PITPNC1: variants seen among roughly 807,000 people sequenced by gnomAD.
PITPNC1 encodes the protein phosphatidylinositol transfer protein cytoplasmic 1.
Under a neutral mutation model 44.7 loss-of-function variants are expected in PITPNC1, and 18 were observed. That is an observed-to-expected ratio of 0.40 (90% CI 0.28 to 0.60). The LOEUF (loss-of-function observed/expected upper bound fraction) is 0.60. Ranked by LOEUF, PITPNC1 falls within the 20% of genes least tolerant of loss-of-function variation. The pLI is 0.39. For missense variants in PITPNC1, 290 were observed against 418.4 expected (o/e 0.69, Z 2.68); for synonymous variants, 141 against 149.6 (o/e 0.94, Z 0.42).
intron 5 of PITPNC1, among the ~76,000 whole-genome samples, chr17:67,588,531 A>G (rs958566288): frequency 6.6e-6 from 1 of 151,670 alleles, no homozygotes; most frequent in African/African-American, 2.4e-5. Context: ...TTGTCCGTCA[A>G]CTCTGCTCTG....
intron 1 of PITPNC1, among the ~76,000 whole-genome samples, chr17:67,490,016 C>A (rs1443240776): frequency 6.6e-6 from 1 of 152,020 alleles, no homozygotes; most frequent in African/African-American, 2.4e-5. Flanking sequence ...GGATTGCAGG[C>A]GTGAGCCACC....
At chr17:67,651,404 T>C (rs1004032931) in intron 6 of PITPNC1, among the ~76,000 whole-genome samples, 1 of 152,030 alleles carries the variant, frequency 6.6e-6, no homozygotes, top group African/African-American at 2.4e-5. Context: ...TCCCAGCTAC[T>C]TGGGAGGCTG....
chr17:67,420,057 T>G (rs1210828615), intron 1 of PITPNC1, among the ~76,000 whole-genome samples: 1 of 152,204 alleles, frequency 6.6e-6, no homozygotes, highest in Non-Finnish European at 1.5e-5. Flanking sequence ...GGACCTGACA[T>G]GAGTCCGTCT....
chr17:67,497,630 C>T (rs182535660), intron 1 of PITPNC1, among the ~76,000 whole-genome samples: 2 of 142,190 alleles, frequency 1.4e-5, no homozygotes, highest in East Asian at 2.2e-4. Context: ...TAGGCTCAAG[C>T]GAACCTCCCA....
chr17:67,570,100 T>G (rs1422772466), intron 4 of PITPNC1, among the ~76,000 whole-genome samples: 1 of 152,192 alleles, frequency 6.6e-6, no homozygotes, highest in African/African-American at 2.4e-5. Context: ...TTCTGTTTTA[T>G]GCTTCTGTTT....
At chr17:67,495,347 C>T (rs775961600) in intron 1 of PITPNC1, among the ~76,000 whole-genome samples, 5 of 151,962 alleles carry the variant, frequency 3.3e-5, no homozygotes, top group African/African-American at 4.8e-5. Context: ...CATGAGCCAC[C>T]GCGCCCGGCC....
At chr17:67,427,504 A>T (rs189191781) in intron 1 of PITPNC1, among the ~76,000 whole-genome samples, 8 of 152,134 alleles carry the variant, frequency 5.3e-5, no homozygotes, top group Admixed American at 3.9e-4. Context: ...GAGCCACTGC[A>T]CCCAGCCATG....
At chr17:67,470,045 C>G (rs148018282) in intron 1 of PITPNC1, among the ~76,000 whole-genome samples, 1,865 of 152,184 alleles carry the variant, frequency 0.012, 35 homozygotes, top group African/African-American at 0.043. Flanking sequence ...GCCTCAGCCT[C>G]CCAAGTAGCC....
chr17:67,483,646 C>T (rs2039733489), intron 1 of PITPNC1, among the ~76,000 whole-genome samples: 1 of 152,064 alleles, frequency 6.6e-6, no homozygotes, highest in Non-Finnish European at 1.5e-5. Flanking sequence ...ACTGTAAATC[C>T]ATCTGCCCAT....
At chr17:67,437,415 TG>T (rs972359937) in intron 1 of PITPNC1, among the ~76,000 whole-genome samples, 38 of 152,106 alleles carry the variant, frequency 2.5e-4, no homozygotes, top group Admixed American at 1.1e-3. Flanking sequence ...AGGGAACGCC[TG>T]GGGCCACCAG....
intron 1 of PITPNC1, among the ~76,000 whole-genome samples, chr17:67,410,850 C>G (rs908176692): frequency 6.6e-6 from 1 of 151,616 alleles, no homozygotes; most frequent in Admixed American, 6.6e-5. Context: ...TTTGGGAGGC[C>G]GAGGCGGGTG....
chr17:67,437,479 C>T (rs534608909), intron 1 of PITPNC1, among the ~76,000 whole-genome samples: 1 of 152,260 alleles, frequency 6.6e-6, no homozygotes, highest in Non-Finnish European at 1.5e-5. Flanking sequence ...CTGCTGATAC[C>T]TTGATTTTGG....
At chr17:67,460,549 G>A (rs1471275228) in intron 1 of PITPNC1, among the ~76,000 whole-genome samples, 1 of 149,326 alleles carries the variant, frequency 6.7e-6, no homozygotes, top group Non-Finnish European at 1.5e-5. Flanking sequence ...TCAGCCTCCC[G>A]AGTAGCTGGG....
intron 8 of PITPNC1, among the ~76,000 whole-genome samples, chr17:67,682,706 T>G (rs1483449): frequency 0.71 from 108,288 of 152,120 alleles, 39,142 homozygotes; most frequent in Non-Finnish European, 0.77. Flanking sequence ...AGTTGCAATA[T>G]TCTCTTAAAT....
chr17:67,419,589 A>C (rs185000454), intron 1 of PITPNC1, among the ~76,000 whole-genome samples: 35 of 152,304 alleles, frequency 2.3e-4, no homozygotes, highest in Non-Finnish European at 3.5e-4. Flanking sequence ...TGAATTACAG[A>C]ATAGACCAAC....
rs2041472729 is a variant in PITPNC1, at chr17:67,597,323, G to A, written c.366+19066G>A. On this transcript the variant is annotated intron_variant, in intron 5 of 8. Transcript: ENST00000581322. The surrounding 1 kb of genome is among the most constrained non-coding windows in gnomAD (Gnocchi z 4.0). Reference sequence around the variant, plus strand: ...AATCCCCGCACTTTGGGAGGCCAAAGTGGGTATCTTACTTGAAGTCAGGAA... The same window carrying A: ...AATCCCCGCACTTTGGGAGGCCAAAATGGGTATCTTACTTGAAGTCAGGAA... 3.3e-5 allele frequency among the ~76,000 whole-genome samples: 5 copies of A among 152,286 alleles called. No homozygotes were observed. The South Asian group carries it at 1.0e-3, about 32-fold the overall frequency.
intron 1 of PITPNC1, among the ~76,000 whole-genome samples, chr17:67,393,227 C>T (rs139649100): frequency 5.3e-5 from 8 of 152,028 alleles, no homozygotes; most frequent in African/African-American, 1.7e-4. Context: ...GAATTGGGTA[C>T]ACTTACATTG....
chr17:67,662,121 T>C lies in PITPNC1; in HGVS notation c.463-7387T>C, dbSNP rs2042357796. Among the ~76,000 whole-genome samples the C allele has an allele frequency of 2.0e-5, 3 of 152,198 alleles. No homozygotes were observed. The South Asian group carries it at 6.2e-4, about 31-fold the overall frequency. On this transcript the variant is annotated intron_variant, in intron 6 of 8. Coordinates refer to ENST00000581322, the MANE Select transcript of PITPNC1 (RefSeq NM_012417.4). Reference sequence around the variant, plus strand: ...TCAGATTGTATTTTTTAAATGTTTATAATATGTCATTTACATACCATAAAG... The same window carrying C: ...TCAGATTGTATTTTTTAAATGTTTACAATATGTCATTTACATACCATAAAG...
intron 5 of PITPNC1, among the ~76,000 whole-genome samples, chr17:67,619,486 C>T (rs2642034): frequency 0.035 from 5,295 of 152,158 alleles, 206 homozygotes; most frequent in African/African-American, 0.09. Context: ...CAAGGACCCC[C>T]ACAGGCATTC....
Sources: gnomAD v4.1 joint callset for allele counts (sites outside exome capture counted in the v4.1 genomes callset) on GRCh38, gnomAD v4.1.1 for gene constraint, Gnocchi (gnomAD v3.1) non-coding constraint, MANE v1.5 for transcripts, NCBI Gene and HGNC (gene_info 2026-07-23, HGNC 2026-07-21) for gene names.